PLXNB1: variants seen among roughly 807,000 people sequenced by gnomAD.
PLXNB1 encodes plexin-B1.
Under a neutral mutation model 209.4 loss-of-function variants are expected in PLXNB1, and 106 were observed. The observed-to-expected ratio is 0.51, with a 90% CI of 0.43 to 0.59. The LOEUF (loss-of-function observed/expected upper bound fraction) is 0.59, where lower values mean the gene tolerates loss of function less well. Among genes scored for constraint, PLXNB1 ranks in the 20% least tolerant of loss-of-function variants. The pLI is 0.00. For synonymous variants in PLXNB1, 1,167 were observed against 1,183.2 expected (o/e 0.99, Z 0.28); for missense variants, 2,357 against 2,853.2 (o/e 0.83, Z 3.96).
intron 2 of PLXNB1, among the ~76,000 whole-genome samples, chr3:48,425,028 C>T (rs892639390): frequency 3.9e-5 from 6 of 152,218 alleles, no homozygotes; most frequent in African/African-American, 1.2e-4. Context: ...GAGGGTTTCC[C>T]GGGCAGAAGA....
At chr3:48,408,348 C>G (rs909174808) in intron 34 of PLXNB1, among the ~76,000 whole-genome samples, 1 of 151,602 alleles carries the variant, frequency 6.6e-6, no homozygotes, top group African/African-American at 2.4e-5. Context: ...AGGGATGTAT[C>G]TCTCAAGAAG....
At chr3:48,407,778 G>C (rs1170828564) in intron 34 of PLXNB1, among the ~76,000 whole-genome samples, 1 of 152,192 alleles carries the variant, frequency 6.6e-6, no homozygotes, top group Non-Finnish European at 1.5e-5. Flanking sequence ...GGCATTCTTT[G>C]TTCGGACTAC....
rs1207695898 is a variant in PLXNB1 at position 48,406,407 on chromosome 3, A to G, written c.6228+416T>C. ...ATTAGTGTTGTGGTTGTCATCATCAACATTTCAGAAACATTGTTCATAAAC... is the reference window on the plus strand; with the variant it reads ...ATTAGTGTTGTGGTTGTCATCATCAGCATTTCAGAAACATTGTTCATAAAC... On this transcript the variant is annotated intron_variant, in intron 36 of 37. Coordinates refer to ENST00000296440, the MANE Select transcript of PLXNB1 (RefSeq NM_001130082.3). This position sits in a 1 kb window ranked among gnomAD's most constrained non-coding sequence, Gnocchi z 4.4. 6.6e-6 allele frequency among the ~76,000 whole-genome samples: 1 copy of G among 152,192 alleles called. No individual in the cohort carries two copies. The highest frequency in any genetic ancestry group is 6.5e-5 in the Admixed American group (1 of 15,290).
Position 48,413,213 on chromosome 3 carries a change from A to G in PLXNB1, c.4536-44T>C. ...AGGAGAGGATGGCCAGATGAGTCCT[A>G]CTCGCCCAGGCCTGCCTGACAATCC... On this transcript the variant is annotated intron_variant, in intron 23 of 37. Coordinates refer to ENST00000296440, the MANE Select transcript of PLXNB1 (RefSeq NM_001130082.3). The surrounding 1 kb of genome is among the most constrained non-coding windows in gnomAD (Gnocchi z 5.4). 2 of 1,484,046 alleles carry G rather than the reference A, an allele frequency of 1.3e-6. No homozygotes were observed. The highest frequency in any genetic ancestry group is 2.3e-5 in the South Asian group (2 of 88,620). The allele number at this position is 1,484,046 out of a possible 1,614,324, so 91.9% of individuals were successfully genotyped here.
At chr3:48,414,142 A>G (rs1192253942) in intron 21 of PLXNB1, 71 bp from the exon 22 acceptor site, 5 of 1,490,990 alleles carry the variant, frequency 3.4e-6, no homozygotes, top group Non-Finnish European at 3.7e-6. Flanking sequence ...AAATGTGGGA[A>G]GGACCCTGAG....
intron 34 of PLXNB1, among the ~76,000 whole-genome samples, chr3:48,408,007 C>T (rs1560044604): frequency 1.3e-5 from 2 of 152,122 alleles, no homozygotes; most frequent in African/African-American, 4.8e-5. Context: ...CAGAACTTTC[C>T]GTTTTTGTTT....
rs2038104873 is a variant in PLXNB1, at chr3:48,416,399, C to G, written c.3427G>C (p.Val1143Leu). ...CCACGTCCTCTTCCCGGCACCTCCA[C>G]CGCTGTGGCGCCGGCCACCTCCTCC... ...SGEEVAGATA[V>L]EVPGRGRGVS... The change falls in exon 17 of 38, where the codon GTG (valine) becomes CTG (leucine). Residue 1143 changes from valine (V) to leucine (L), a missense_variant. Transcript: ENST00000296440. This position sits in a 1 kb window ranked among gnomAD's most constrained non-coding sequence, Gnocchi z 4.1. 6.2e-7 allele frequency: 1 copy of G among 1,613,146 alleles called. No individual in the cohort carries two copies. Among genetic ancestry groups the G allele is most frequent in the African/African-American group, 1.3e-5 (1 of 74,936 alleles).
chr3:48,409,191 G>T lies in PLXNB1; in HGVS notation c.6087+138C>A. On this transcript the variant is annotated intron_variant, in intron 34 of 37. Transcript: ENST00000296440. The surrounding 1 kb of genome is among the most constrained non-coding windows in gnomAD (Gnocchi z 5.8). ...ATCCCTTAAAACTGAGGTGGCCCCGGGATGAAGCCTTGGCTTGGGAGGTCA... is the reference window on the plus strand; with the variant it reads ...ATCCCTTAAAACTGAGGTGGCCCCGTGATGAAGCCTTGGCTTGGGAGGTCA... 2 of 971,342 alleles carry T rather than the reference G, an allele frequency of 2.1e-6. No homozygotes were observed. Among genetic ancestry groups the T allele is most frequent in the Non-Finnish European group, 1.5e-6 (1 of 659,940 alleles). 60.2% of individuals were successfully genotyped at this position (971,342 alleles called of 1,614,324 possible). A position where few individuals can be genotyped will look rare whatever the true frequency, so the allele number is the denominator to read the frequency against.
Position 48,416,677 on chromosome 3 carries a change from C to T in PLXNB1, c.3375-226G>A. ...TGGCTTCAATCATTTAAGTTCAACCCCAGGGGCCCCCAATAAGGAAGAATT... is the reference window on the plus strand; with the variant it reads ...TGGCTTCAATCATTTAAGTTCAACCTCAGGGGCCCCCAATAAGGAAGAATT... On this transcript the variant is annotated intron_variant, in intron 16 of 37. Transcript: ENST00000296440. This position sits in a 1 kb window ranked among gnomAD's most constrained non-coding sequence, Gnocchi z 4.1. 2.5e-6 allele frequency: 1 copy of T among 397,386 alleles called. No homozygotes were observed. Among genetic ancestry groups the T allele is most frequent in the African/African-American group, 2.1e-5 (1 of 48,200 alleles). The allele number at this position is 397,386 out of a possible 1,614,324, so 24.6% of individuals were successfully genotyped here. A position where few individuals can be genotyped will look rare whatever the true frequency, so the allele number is the denominator to read the frequency against.
In PLXNB1 at chr3:48,416,407, G is replaced by A. The variant is rs1400770992; in HGVS notation, c.3419C>T (p.Ala1140Val). 2 of 1,613,110 alleles carry A rather than the reference G, an allele frequency of 1.2e-6. No homozygotes were observed. The highest frequency in any genetic ancestry group is 2.7e-5 in the African/African-American group (2 of 74,934). Residue 1140 changes from alanine (A) to valine (V), a missense_variant, in exon 17 of 38, where the codon GCC (alanine) becomes GTC (valine). Ala to Val is a moderately conservative substitution (Grantham distance 64). This residue lies in a region of PLXNB1 where 743 missense variants were observed against 896.2 expected (regional missense o/e 0.83). Coordinates refer to ENST00000296440, the MANE Select transcript of PLXNB1 (RefSeq NM_001130082.3). This position sits in a 1 kb window ranked among gnomAD's most constrained non-coding sequence, Gnocchi z 4.1. The stretch of plus-strand genomic sequence containing the variant: ...TCTTCCCGGCACCTCCACCGCTGTG[G>A]CGCCGGCCACCTCCTCCCCACTGGC... ...TGASGEEVAG[A>V]TAVEVPGRGR...
intron 25 of PLXNB1, 41 bp downstream of exon 25, chr3:48,412,701 G>A (rs1367217837): frequency 2.5e-6 from 4 of 1,602,410 alleles, no homozygotes; most frequent in Non-Finnish European, 2.6e-6. Flanking sequence ...TGGAGAAGGG[G>A]CAGGGCCAGG....
rs1343404191 is a variant in PLXNB1, at chr3:48,410,654, C to A, written c.5417-96G>T. 3.6e-6 allele frequency: 4 copies of A among 1,099,026 alleles called. No individual in the cohort carries two copies. The highest frequency in any genetic ancestry group is 5.4e-6 in the Non-Finnish European group (4 of 735,830). 68.1% of individuals were successfully genotyped at this position (1,099,026 alleles called of 1,614,324 possible). Reference sequence around the variant, plus strand: ...TCCACAGGGACACCAGCCCCTCCATCATGGGGCAGCCTTACTCAACCTCTC... The same window carrying A: ...TCCACAGGGACACCAGCCCCTCCATAATGGGGCAGCCTTACTCAACCTCTC... On this transcript the variant is annotated intron_variant, in intron 29 of 37. Transcript: ENST00000296440. The surrounding 1 kb of genome is among the most constrained non-coding windows in gnomAD (Gnocchi z 6.4).
intron 3 of PLXNB1, 78 bp from the exon 4 acceptor site, chr3:48,423,025 C>T: frequency 7.6e-7 from 1 of 1,309,142 alleles, no homozygotes; most frequent in Non-Finnish European, 1.1e-6. Context: ...CAACCTCATT[C>T]CCTCCCCCAG....
rs2039081202 is a variant in PLXNB1, at chr3:48,429,548, C to T, written c.-60+460G>A. 1 of 151,476 alleles carries T rather than the reference C, an allele frequency of 6.6e-6. No individual in the cohort carries two copies. The highest frequency in any genetic ancestry group is 6.6e-5 in the Admixed American group (1 of 15,206). 9.4% of individuals were successfully genotyped at this position (151,476 alleles called of 1,614,324 possible). On this transcript the variant is annotated intron_variant, in intron 1 of 37. Coordinates refer to ENST00000296440, the MANE Select transcript of PLXNB1 (RefSeq NM_001130082.3). This position sits in a 1 kb window ranked among gnomAD's most constrained non-coding sequence, Gnocchi z 6.4. ...CCAGGCCGGAAGCAGCCCGGAGAGC[C>T]GGGCGCGCGGCCCCGAACCGCCCGG...
In PLXNB1 at chr3:48,418,436, G is replaced by A. The variant is rs764985413; in HGVS notation, c.3049+13C>T. On this transcript the variant is annotated intron_variant, in intron 14 of 37. Coordinates refer to ENST00000296440, the MANE Select transcript of PLXNB1 (RefSeq NM_001130082.3). The surrounding 1 kb of genome is among the most constrained non-coding windows in gnomAD (Gnocchi z 6.6). ...GCTACCACCGCCAGCCCAGCAGCCCGCAGGTGGCTCACCATGCAGCCCCTC... is the reference window on the plus strand; with the variant it reads ...GCTACCACCGCCAGCCCAGCAGCCCACAGGTGGCTCACCATGCAGCCCCTC... The A allele has an allele frequency of 2.4e-5, 38 of 1,612,860 alleles. No homozygotes were observed. Among genetic ancestry groups the A allele is most frequent in the East Asian group, 8.9e-5 (4 of 44,856 alleles).
rs770844943 is a variant in PLXNB1, at chr3:48,405,797, T to C, written c.6230A>G (p.Asn2077Ser). The C allele has an allele frequency of 8.1e-6, 13 of 1,613,012 alleles. No homozygotes were observed. Among genetic ancestry groups the C allele is most frequent in the South Asian group, 2.2e-5 (2 of 91,052 alleles). The change falls in exon 37 of 38, where the codon AAC (asparagine) becomes AGC (serine). Residue 2077 changes from asparagine (N) to serine (S), a missense_variant and splice_region_variant. Asn to Ser is a conservative substitution (Grantham distance 46). Around this residue, in one of 7 missense-constraint regions of PLXNB1, gnomAD observed 414 missense variants for 520.5 expected, o/e 0.80. Coordinates refer to ENST00000296440, the MANE Select transcript of PLXNB1 (RefSeq NM_001130082.3). The surrounding 1 kb of genome is among the most constrained non-coding windows in gnomAD (Gnocchi z 5.0). ...TCGCGCCCCGAGGTCTCCGGAGTAG[T>C]TCTAGGGAAGAGGCCAAATGAAAGG... is the stretch of plus-strand genomic sequence containing the variant. ...MNSVLAELSWNYSGDLGARVA... is the reference protein window; with the variant it reads ...MNSVLAELSWSYSGDLGARVA...
rs2037976356 is a variant in PLXNB1, at chr3:48,414,962, G to A, written c.4046C>T (p.Pro1349Leu). Residue 1349 changes from proline to leucine, a missense_variant, in exon 21 of 38, where the codon CCC becomes CTC. Physicochemically the swap from Pro to Leu is moderately conservative, Grantham distance 98. Transcript: ENST00000296440. The stretch of plus-strand genomic sequence containing the variant: ...AAGGATAAATTCCACCCGGACCCAG[G>A]GGTCCTCAGGCAGGCCTGGGAGGGC... ...TPALPGLPED[P>L]WVRVEFILDN... The A allele has an allele frequency of 1.7e-5, 28 of 1,613,882 alleles. No homozygotes were observed. The highest frequency in any genetic ancestry group is 2.4e-5 in the Non-Finnish European group (28 of 1,180,044).
rs750066899 is a variant in PLXNB1 at position 48,422,381 on chromosome 3, G to C, written c.1369C>G (p.Leu457Val). Residue 457 changes from leucine to valine, a missense_variant, in exon 5 of 38, where the codon CTC becomes GTC. Physicochemically the swap from Leu to Val is conservative, Grantham distance 32. Coordinates refer to ENST00000296440, the MANE Select transcript of PLXNB1 (RefSeq NM_001130082.3). ...TGCTCAAAGGTCCCATCAAAGGTGA[G>C]GTCTCTGCTCACTGCAGACCCCTGC... Reference protein sequence around the residue: ...IQQGSAVSRDLTFDGTFEHLY... With the variant: ...IQQGSAVSRDVTFDGTFEHLY... 1.9e-6 allele frequency: 3 copies of C among 1,608,410 alleles called. No individual in the cohort carries two copies. The highest frequency in any genetic ancestry group is 4.5e-5 in the East Asian group (2 of 44,824).
At position 48,409,823 on chromosome 3, in the gene PLXNB1, A is replaced by G. The variant is rs916767394; in HGVS notation, c.5778+82T>C. On this transcript the variant is annotated intron_variant, in intron 32 of 37. Transcript: ENST00000296440. This position sits in a 1 kb window ranked among gnomAD's most constrained non-coding sequence, Gnocchi z 5.8. ...CACCCCCCGGCACTGTGCCTGCACG[A>G]GCCCCACACCACCCCCAAATCCCAC... The G allele has an allele frequency of 6.3e-7, 1 of 1,575,678 alleles. No individual in the cohort carries two copies. The highest frequency in any genetic ancestry group is 8.7e-7 in the Non-Finnish European group (1 of 1,155,036).
Sources: gnomAD v4.1 joint callset for allele counts (sites outside exome capture counted in the v4.1 genomes callset) on GRCh38, gnomAD v4.1.1 for gene constraint, gnomAD v4.1.1 regional missense constraint, Gnocchi (gnomAD v3.1) non-coding constraint, MANE v1.5 for transcripts, NCBI Gene and HGNC (gene_info 2026-07-23, HGNC 2026-07-21) for gene names.